The following VAV1 variants were observed in gnomAD, a reference collection of about 807,000 sequenced individuals.
VAV1 encodes proto-oncogene vav.
In VAV1, 33 loss-of-function variants were observed where a neutral mutation model predicts 128.1. That is an observed-to-expected ratio of 0.26 (90% CI 0.20 to 0.34). The LOEUF is 0.34. Among genes scored for constraint, VAV1 ranks in the 10% least tolerant of loss-of-function variants. The pLI is 1.00. For missense variants in VAV1, 715 were observed against 1,093.7 expected (o/e 0.65, Z 4.88); for synonymous variants, 394 against 409.8 (o/e 0.96, Z 0.47).
chr19:6,821,237 T>C lies in VAV1; in HGVS notation c.322-385T>C, dbSNP rs542033689. ...TAACACAGTGAAACCCCGTCTCTAC[T>C]AAAAATACAAAAAATTAGCTGGGTG... is the stretch of plus-strand genomic sequence containing the variant. On this transcript the variant is annotated intron_variant, in intron 2 of 26. Coordinates refer to ENST00000602142, the MANE Select transcript of VAV1 (RefSeq NM_005428.4). Among the ~76,000 whole-genome samples the C allele has an allele frequency of 1.2e-3, 184 of 151,946 alleles. 1 individual carries two copies. Among genetic ancestry groups the C allele is most frequent in the African/African-American group, 4.1e-3 (168 of 41,444 alleles).
intron 1 of VAV1, among the ~76,000 whole-genome samples, chr19:6,788,350 T>TTTATTATTATTA (rs148778427): frequency 8.7e-4 from 123 of 141,978 alleles, no homozygotes; most frequent in Middle Eastern, 3.6e-3. Context: ...TTCTTTTTAT[T>TTTATTATTATTA]TTATTATTAT....
intron 1 of VAV1, among the ~76,000 whole-genome samples, chr19:6,787,409 C>G (rs1160660009): frequency 6.6e-6 from 1 of 152,004 alleles, no homozygotes; most frequent in Middle Eastern, 3.2e-3. Flanking sequence ...CTCCTGACCT[C>G]AAGCAATCTT....
chr19:6,843,252 T>G (rs762931379), intron 22 of VAV1, 86 bp downstream of exon 22: 2 of 1,461,418 alleles, frequency 1.4e-6, no homozygotes, highest in Non-Finnish European at 1.9e-6. Flanking sequence ...TCCGAGCCAA[T>G]TAGTTATGCA....
At chr19:6,813,825 G>A (rs551051124) in intron 1 of VAV1, among the ~76,000 whole-genome samples, 1 of 152,180 alleles carries the variant, frequency 6.6e-6, no homozygotes, top group African/African-American at 2.4e-5. Flanking sequence ...AGCCTGTGGT[G>A]GGAGAGTCAC....
intron 1 of VAV1, among the ~76,000 whole-genome samples, chr19:6,800,792 T>TTTTTTGTGTG (rs1555699757): frequency 0.011 from 1,682 of 147,696 alleles, 36 homozygotes; most frequent in African/African-American, 0.04. Context: ...TGGCAAATTT[T>TTTTTTGTGTG]TGTGTGTGTG....
intron 1 of VAV1, among the ~76,000 whole-genome samples, chr19:6,774,081 A>G (rs771483769): frequency 6.6e-6 from 1 of 152,098 alleles, no homozygotes; most frequent in Non-Finnish European, 1.5e-5. Context: ...GGGCAGGGCC[A>G]TTGGTGGAAG....
chr19:6,772,731 C>T lies in VAV1; in HGVS notation c.-77C>T, dbSNP rs1014833842. ...GTAGCACTAGCTGTCGCTCCACAGG[C>T]GAGCAGGGCAGGCGTGCGGGCGGGT... On this transcript the variant is annotated 5_prime_UTR_variant, in exon 1 of 27. Transcript: ENST00000602142. The surrounding 1 kb of genome is among the most constrained non-coding windows in gnomAD (Gnocchi z 4.8). 5.4e-6 allele frequency: 8 copies of T among 1,481,670 alleles called. No individual in the cohort carries two copies. Among genetic ancestry groups the T allele is most frequent in the Non-Finnish European group, 7.3e-6 (8 of 1,092,238 alleles). 91.8% of individuals were successfully genotyped at this position (1,481,670 alleles called of 1,614,324 possible). A position where few individuals can be genotyped will look rare whatever the true frequency, so the allele number is the denominator to read the frequency against.
chr19:6,825,174 C>T, intron 7 of VAV1, 53 bp downstream of exon 7: 6 of 1,587,402 alleles, frequency 3.8e-6, no homozygotes, highest in Non-Finnish European at 4.3e-6. Flanking sequence ...GGATAACCTG[C>T]TGCCCCTACC....
chr19:6,783,807 C>T (rs1016311032), intron 1 of VAV1, among the ~76,000 whole-genome samples: 1 of 152,088 alleles, frequency 6.6e-6, no homozygotes, highest in Admixed American at 6.6e-5. Context: ...CACATGGCTC[C>T]ATTTAACTAC....
At chr19:6,793,354 A>G (rs1263579990) in intron 1 of VAV1, among the ~76,000 whole-genome samples, 1 of 152,084 alleles carries the variant, frequency 6.6e-6, no homozygotes. Flanking sequence ...AAAGAAAGAA[A>G]GAAAGGACCA....
intron 22 of VAV1, among the ~76,000 whole-genome samples, chr19:6,845,650 A>G (rs1161236323): frequency 6.7e-6 from 1 of 150,302 alleles, no homozygotes; most frequent in Non-Finnish European, 1.5e-5. Flanking sequence ...ATATTATGCT[A>G]TGTATTTTCA....
At chr19:6,857,016 G>A (rs369789463) in intron 26 of VAV1, 38 bp from the exon 27 acceptor site, 2 of 1,598,916 alleles carry the variant, frequency 1.3e-6, no homozygotes, top group African/African-American at 1.3e-5. Flanking sequence ...AGGAGGATGT[G>A]CAGAGGTTGC....
intron 14 of VAV1, 98 bp from the exon 15 acceptor site, chr19:6,831,991 CAT>C: frequency 1.1e-6 from 1 of 923,810 alleles, no homozygotes; most frequent in Non-Finnish European, 1.7e-6. Context: ...TAGAGACTGT[CAT>C]GGGCTTGCCT....
At chr19:6,856,314 TGCCTTGTAGA>T (rs1972800076) in intron 26 of VAV1, among the ~76,000 whole-genome samples, 1 of 150,814 alleles carries the variant, frequency 6.6e-6, no homozygotes, top group Admixed American at 6.6e-5. Context: ...AAAAAAATTC[TGCCTTGTAGA>T]GCTCACATTG....
chr19:6,829,662 A>T, intron 13 of VAV1, 124 bp from the exon 14 acceptor site: 1 of 1,437,192 alleles, frequency 7.0e-7, no homozygotes. Flanking sequence ...ACAGGTGGGC[A>T]TGGCCAAGTT....
chr19:6,814,671 CCTTTCTTTCTTTCTTT>C (rs71177121), intron 1 of VAV1, among the ~76,000 whole-genome samples: 16 of 25,790 alleles, frequency 6.2e-4, no homozygotes, highest in African/African-American at 1.4e-3. Flanking sequence ...TTCCTTCCTT[CCTTTCTTTCTTTCTTT>C]CTTTCTTTCT....
chr19:6,792,240 C>T (rs1971033825), intron 1 of VAV1, among the ~76,000 whole-genome samples: 1 of 152,044 alleles, frequency 6.6e-6, no homozygotes, highest in Non-Finnish European at 1.5e-5. Context: ...ATGAAGGCAT[C>T]CCCATGAGAA....
chr19:6,822,300 C>G lies in VAV1; in HGVS notation c.529C>G (p.Leu177Val). 6.3e-7 allele frequency: 1 copy of G among 1,586,716 alleles called. No individual in the cohort carries two copies. The highest frequency in any genetic ancestry group is 8.6e-7 in the Non-Finnish European group (1 of 1,168,006). ...EAEGDEIYED[L>V]MRSEPVSMPP... is the part of the protein sequence containing the mutation. Reference sequence around the variant, plus strand: ...GGAAGGCGACGAGATCTATGAGGACCTCATGCGCTCGGAGCCCGTGTCCAT... The same window carrying G: ...GGAAGGCGACGAGATCTATGAGGACGTCATGCGCTCGGAGCCCGTGTCCAT... The change falls in exon 5 of 27, where the codon CTC becomes GTC. Residue 177 changes from leucine (L) to valine (V), a missense_variant. Physicochemically the swap from Leu to Val is conservative, Grantham distance 32. Coordinates refer to ENST00000602142, the MANE Select transcript of VAV1 (RefSeq NM_005428.4). The surrounding 1 kb of genome is among the most constrained non-coding windows in gnomAD (Gnocchi z 5.9).
intron 1 of VAV1, among the ~76,000 whole-genome samples, chr19:6,808,034 C>T (rs1185993000): frequency 2.0e-5 from 3 of 149,758 alleles, no homozygotes; most frequent in Non-Finnish European, 3.0e-5. Context: ...AAAAAAAGGC[C>T]GGGCGCGGTG....
Sources: allele counts gnomAD v4.1 joint callset (sites outside exome capture counted in the v4.1 genomes callset), GRCh38; gene constraint gnomAD v4.1.1; non-coding constraint Gnocchi (gnomAD v3.1); transcripts MANE v1.5; gene names NCBI Gene and HGNC (gene_info 2026-07-23, HGNC 2026-07-21).